The following SEC23IP variants were observed in gnomAD, a reference collection of about 807,000 sequenced individuals.
The protein encoded by SEC23IP is SEC23-interacting protein.
A neutral mutation model predicts 113.4 loss-of-function variants in SEC23IP; 70 were observed. The observed-to-expected ratio is 0.62, with a 90% CI of 0.51 to 0.75. The LOEUF (loss-of-function observed/expected upper bound fraction) is 0.75, where lower values mean the gene tolerates loss of function less well. Among genes scored for constraint, SEC23IP ranks in the 30% least tolerant of loss-of-function variants. The pLI, the probability that SEC23IP is intolerant of heterozygous loss-of-function variation, is 0.00. For missense variants in SEC23IP, 1,160 were observed against 1,204.9 expected (o/e 0.96, Z 0.55); for synonymous variants, 398 against 421.0 (o/e 0.95, Z 0.67).
At chr10:119,936,532 C>T (rs544004462) in intron 18 of SEC23IP, among the ~76,000 whole-genome samples, 5 of 115,876 alleles carry the variant, frequency 4.3e-5, no homozygotes, top group African/African-American at 1.1e-4. Context: ...CAACAGCATG[C>T]GATTCCGTCT....
chr10:119,917,579 A>T (rs528286594), intron 8 of SEC23IP, among the ~76,000 whole-genome samples: 6 of 151,978 alleles, frequency 3.9e-5, no homozygotes, highest in South Asian at 2.1e-4. Flanking sequence ...GGGTTTCGCC[A>T]TGTTGGCCTG....
intron 4 of SEC23IP, among the ~76,000 whole-genome samples, chr10:119,905,114 A>G (rs1020236293): frequency 2.0e-5 from 3 of 151,868 alleles, no homozygotes; most frequent in African/African-American, 7.3e-5. Context: ...AGCCTGGGCA[A>G]TGGGAATGAG....
At position 119,892,819 on chromosome 10, in the gene SEC23IP, G is replaced by A. The variant is rs1854135531; in HGVS notation, c.37G>A (p.Ala13Thr). ...AAAACCTAACGGTGGCAGCGGCGGCGCCTCCACTTCCTCATCGGGCACTAA... is the reference window on the plus strand; with the variant it reads ...AAAACCTAACGGTGGCAGCGGCGGCACCTCCACTTCCTCATCGGGCACTAA... ...ERKPNGGSGG[A>T]STSSSGTNLL... The change falls in exon 1 of 19, where the codon GCC (alanine) becomes ACC (threonine). Residue 13 changes from alanine (A) to threonine (T), a missense_variant. Coordinates refer to ENST00000369075, the MANE Select transcript of SEC23IP (RefSeq NM_007190.4). 1 of 1,612,828 alleles carries A rather than the reference G, an allele frequency of 6.2e-7. No homozygotes were observed. Among genetic ancestry groups the A allele is most frequent in the Non-Finnish European group, 8.5e-7 (1 of 1,179,626 alleles).
intron 6 of SEC23IP, among the ~76,000 whole-genome samples, chr10:119,913,558 TG>T (rs35153062): frequency 1 from 151,526 of 151,526 alleles, 75,763 homozygotes; most frequent in Non-Finnish European, 1. Context: ...TGGCGTGATC[TG>T]GGGCTCACTG....
intron 6 of SEC23IP, among the ~76,000 whole-genome samples, chr10:119,913,051 T>A (rs1854921076): frequency 6.6e-6 from 1 of 152,226 alleles, no homozygotes; most frequent in Non-Finnish European, 1.5e-5. Context: ...TTTGTACCCA[T>A]TAATTGACCC....
At chr10:119,930,065 G>A (rs1855547285) in intron 14 of SEC23IP, among the ~76,000 whole-genome samples, 1 of 152,196 alleles carries the variant, frequency 6.6e-6, no homozygotes, top group East Asian at 1.9e-4. Context: ...TCAGCTTTCT[G>A]TTCTAAGAGG....
intron 10 of SEC23IP, among the ~76,000 whole-genome samples, chr10:119,918,826 G>A (rs553481330): frequency 1.3e-5 from 2 of 152,078 alleles, no homozygotes; most frequent in African/African-American, 4.8e-5. Flanking sequence ...AAAGTACACC[G>A]AGGTTTAGAA....
intron 8 of SEC23IP, among the ~76,000 whole-genome samples, chr10:119,916,368 C>T (rs34675826): frequency 0.055 from 8,324 of 152,260 alleles, 430 homozygotes; most frequent in South Asian, 0.27. Context: ...AAAGGCCACT[C>T]AGTACTAGCA....
intron 1 of SEC23IP, among the ~76,000 whole-genome samples, chr10:119,897,872 G>A (rs1330760967): frequency 6.6e-6 from 1 of 151,632 alleles, no homozygotes; most frequent in Non-Finnish European, 1.5e-5. Flanking sequence ...GGGTGTGGTG[G>A]TGGGTGCCTG....
chr10:119,932,865 A>G, intron 16 of SEC23IP, 140 bp from the exon 17 acceptor site: 1 of 654,880 alleles, frequency 1.5e-6, no homozygotes, highest in South Asian at 2.3e-5. Context: ...GGCTCTTTGG[A>G]GGAACGGGGA....
intron 18 of SEC23IP, among the ~76,000 whole-genome samples, chr10:119,938,039 C>G (rs759162795): frequency 2.6e-5 from 4 of 151,438 alleles, no homozygotes; most frequent in Non-Finnish European, 5.9e-5. Flanking sequence ...TGCAGTGGCT[C>G]ATACCTGTAA....
At chr10:119,936,065 T>C in intron 18 of SEC23IP, among the ~76,000 whole-genome samples, 1 of 152,244 alleles carries the variant, frequency 6.6e-6, no homozygotes, top group African/African-American at 2.4e-5. Flanking sequence ...GATATTTTAA[T>C]AGTTGCATTT....
intron 13 of SEC23IP, among the ~76,000 whole-genome samples, chr10:119,927,628 C>T (rs780797683): frequency 5.9e-5 from 9 of 152,314 alleles, no homozygotes; most frequent in African/African-American, 1.2e-4. Context: ...AGGGCCACCA[C>T]AGTGATCTCA....
At chr10:119,925,788 C>T (rs1237972341) in intron 12 of SEC23IP, among the ~76,000 whole-genome samples, 3 of 152,162 alleles carry the variant, frequency 2.0e-5, no homozygotes, top group African/African-American at 4.8e-5. Context: ...GCTATCCTTC[C>T]ACCTTGGTCT....
At chr10:119,903,091 G>T (rs992856499) in intron 3 of SEC23IP, 82 bp downstream of exon 3, 1 of 1,171,920 alleles carries the variant, frequency 8.5e-7, no homozygotes, top group Non-Finnish European at 1.2e-6. Flanking sequence ...TATTTTCTGT[G>T]AATGTCAAAT....
rs1175429518 is a variant in SEC23IP at position 119,933,612 on chromosome 10, A to G, written c.2922-74A>G. 5.0e-6 allele frequency: 4 copies of G among 806,684 alleles called. No homozygotes were observed. The African/African-American group carries it at 5.1e-5, about 10-fold the overall frequency. 50.0% of individuals were successfully genotyped at this position (806,684 alleles called of 1,614,324 possible). ...TAGAGTTGAATAGAATAGAACCTGC[A>G]TTTTCAACCATTGTGCATAGAAGTT... On this transcript the variant is annotated intron_variant, in intron 17 of 18. Transcript: ENST00000369075.
chr10:119,896,577 G>T (rs1156242349), intron 1 of SEC23IP, among the ~76,000 whole-genome samples: 2 of 152,170 alleles, frequency 1.3e-5, no homozygotes, highest in Non-Finnish European at 2.9e-5. Flanking sequence ...CGATGGAGTT[G>T]GGAGTGTCAC....
chr10:119,913,871 G>A (rs1197362834), intron 6 of SEC23IP, among the ~76,000 whole-genome samples: 2 of 151,898 alleles, frequency 1.3e-5, no homozygotes, highest in Admixed American at 6.6e-5. Context: ...AAAGCAGGTG[G>A]CTGGGCCTGG....
chr10:119,931,460 A>G (rs189385214), intron 15 of SEC23IP, among the ~76,000 whole-genome samples: 42 of 151,506 alleles, frequency 2.8e-4, no homozygotes, highest in African/African-American at 9.7e-4. Context: ...TTGACCTCCC[A>G]AAGTTTTGGG....
Sources: allele counts gnomAD v4.1 joint callset (sites outside exome capture counted in the v4.1 genomes callset), GRCh38; gene constraint gnomAD v4.1.1; transcripts MANE v1.5; gene names NCBI Gene and HGNC (gene_info 2026-07-23, HGNC 2026-07-21).